Variants in EXOC3 observed in about 807,000 individuals in gnomAD.
EXOC3 encodes SEC6-like 1.
In EXOC3, 21 loss-of-function variants were observed where a neutral mutation model predicts 73.7. The observed-to-expected ratio is 0.29, with a 90% confidence interval of 0.20 to 0.41. The LOEUF is 0.41. Among genes scored for constraint, EXOC3 ranks in the 10% least tolerant of loss-of-function variants. The pLI, the probability that EXOC3 is intolerant of heterozygous loss-of-function variation, is 1.00. For synonymous variants in EXOC3, 410 were observed against 389.1 expected (o/e 1.05, Z -0.63); for missense variants, 842 against 985.1 (o/e 0.85, Z 1.95).
At position 459,356 on chromosome 5, in the gene EXOC3, T is replaced by C; in HGVS notation, c.1291-3T>C. On this transcript the variant is annotated splice_region_variant and splice_polypyrimidine_tract_variant and intron_variant, in intron 6 of 12. Coordinates refer to ENST00000512944, the MANE Select transcript of EXOC3 (RefSeq NM_007277.5). ...CAGAATTCATAAGTTCTCTGATTTT[T>C]AGATGTTTGAACAGAATCTTCAAGT... is the stretch of plus-strand genomic sequence containing the variant. The C allele has an allele frequency of 1.3e-6, 2 of 1,508,736 alleles. No homozygotes were observed. Among genetic ancestry groups the C allele is most frequent in the African/African-American group, 1.4e-5 (1 of 72,688 alleles). The allele number at this position is 1,508,736 out of a possible 1,614,324, so 93.5% of individuals were successfully genotyped here. A position where few individuals can be genotyped will look rare whatever the true frequency, so the allele number is the denominator to read the frequency against.
In EXOC3 at chr5:456,965, G is replaced by A. The variant is rs779891627; in HGVS notation, c.1123G>A (p.Val375Met). The A allele has an allele frequency of 1.4e-5, 23 of 1,613,884 alleles. No homozygotes were observed. The highest frequency in any genetic ancestry group is 1.5e-5 in the Non-Finnish European group (18 of 1,179,866). Reference protein sequence around the residue: ...GTLEPLLSPHVVSELLDTYMS... With the variant: ...GTLEPLLSPHMVSELLDTYMS... ...CCTGGAGCCATTGCTTTCTCCACACGTGGTCTCTGAGCTGCTTGACACGTA... is the reference window on the plus strand; with the variant it reads ...CCTGGAGCCATTGCTTTCTCCACACATGGTCTCTGAGCTGCTTGACACGTA... Residue 375 changes from valine to methionine, a missense_variant, in exon 5 of 13, where the codon GTG becomes ATG. Coordinates refer to ENST00000512944, the MANE Select transcript of EXOC3 (RefSeq NM_007277.5).
intron 1 of EXOC3, chr5:444,975 G>C (rs1394527994): frequency 6.6e-6 from 1 of 152,220 alleles, no homozygotes; most frequent in Non-Finnish European, 1.5e-5. Flanking sequence ...TAAAGAGAAA[G>C]GAAAGGTTGC....
intron 6 of EXOC3, among the ~76,000 whole-genome samples, chr5:458,947 G>A (rs1024389348): frequency 6.6e-6 from 1 of 152,216 alleles, no homozygotes; most frequent in Non-Finnish European, 1.5e-5. Flanking sequence ...GTCAGCTCCT[G>A]GCAGGGCCTG....
chr5:465,254 G>A lies in EXOC3; in HGVS notation c.1920G>A (p.Leu640=). Residue 640 remains leucine (L), a synonymous_variant, in exon 11 of 13, where the codon CTG becomes CTA. Transcript: ENST00000512944. ...MVREAEQLRF[L]FRKLASGFGE... is the part of the protein sequence containing the mutation. ...GGGAGGCAGAGCAGCTGCGCTTCCTGTTCCGGAAGCTGGCGTCCGTGAGTG... is the reference window on the plus strand; with the variant it reads ...GGGAGGCAGAGCAGCTGCGCTTCCTATTCCGGAAGCTGGCGTCCGTGAGTG... 6.3e-7 allele frequency: 1 copy of A among 1,587,962 alleles called. No individual in the cohort carries two copies. Among genetic ancestry groups the A allele is most frequent in the East Asian group, 2.3e-5 (1 of 43,482 alleles).
At position 453,590 on chromosome 5, in the gene EXOC3, G is replaced by C; in HGVS notation, c.585G>C (p.Leu195=). The change falls in exon 4 of 13, where the codon CTG becomes CTC. Residue 195 remains leucine (L), a synonymous_variant. Coordinates refer to ENST00000512944, the MANE Select transcript of EXOC3 (RefSeq NM_007277.5). The part of the protein sequence containing the change: ...DELAKQLWMV[L]QRSLVTVRRD... Reference sequence around the variant, plus strand: ...TGGCTAAGCAGCTGTGGATGGTGCTGCAGAGGTCACTGGTCACTGTCCGCC... The same window carrying C: ...TGGCTAAGCAGCTGTGGATGGTGCTCCAGAGGTCACTGGTCACTGTCCGCC... The C allele has an allele frequency of 6.2e-7, 1 of 1,614,012 alleles. No individual in the cohort carries two copies. Among genetic ancestry groups the C allele is most frequent in the East Asian group, 2.2e-5 (1 of 44,892 alleles).
intron 3 of EXOC3, among the ~76,000 whole-genome samples, chr5:449,987 C>T (rs6889494): frequency 0.27 from 40,377 of 152,166 alleles, 6,998 homozygotes; most frequent in Non-Finnish European, 0.39. Flanking sequence ...GGCTCACGCC[C>T]GTCATCCCAG....
rs143297530 is a variant in EXOC3 at position 446,198 on chromosome 5, T to C, written c.-8T>C. ...GAACAGTGTGAGGATTCCACCAGCT[T>C]TTTCACCATGAAGGAGACAGACCGG... On this transcript the variant is annotated 5_prime_UTR_variant, in exon 2 of 13. Coordinates refer to ENST00000512944, the MANE Select transcript of EXOC3 (RefSeq NM_007277.5). 1.2e-4 allele frequency: 200 copies of C among 1,613,808 alleles called. 3 individuals carry two copies. In the African/African-American group the frequency reaches 2.2e-3, roughly 18 times the overall value.
rs1321158476 is a variant in EXOC3, at chr5:463,350, A to T, written c.1654-940A>T. Among the ~76,000 whole-genome samples, 3 of 152,206 alleles carry T rather than the reference A, an allele frequency of 2.0e-5. No homozygotes were observed. In the East Asian group the frequency reaches 5.8e-4, roughly 29 times the overall value. On this transcript the variant is annotated intron_variant, in intron 9 of 12. Coordinates refer to ENST00000512944, the MANE Select transcript of EXOC3 (RefSeq NM_007277.5). ...AAAATTTAAAAAGAATATATAGAAAAATGGGCAAAAGACATGAACGGCCAC... is the reference window on the plus strand; with the variant it reads ...AAAATTTAAAAAGAATATATAGAAATATGGGCAAAAGACATGAACGGCCAC...
At chr5:443,478 G>C (rs956161473) in intron 1 of EXOC3, among the ~76,000 whole-genome samples, 188 bp downstream of exon 1, 1 of 152,208 alleles carries the variant, frequency 6.6e-6, no homozygotes, top group South Asian at 2.1e-4. Context: ...CTCGGCGCAG[G>C]TGTCCTCCCC....
At chr5:464,191 CG>C (rs1365969093) in intron 9 of EXOC3, 98 bp from the exon 10 acceptor site, 1 of 1,186,210 alleles carries the variant, frequency 8.4e-7, no homozygotes, top group African/African-American at 1.5e-5. Flanking sequence ...ACGCAGCTCT[CG>C]TGGGGCGTTG....
At position 447,520 on chromosome 5, in the gene EXOC3, C is replaced by T. The variant is rs1014655074; in HGVS notation, c.145-13C>T. Reference sequence around the variant, plus strand: ...TCATTGGCTCTGCTCACCCGTGTGGCGTCTCTCTTTAGGCCGCCATCCAGT... The same window carrying T: ...TCATTGGCTCTGCTCACCCGTGTGGTGTCTCTCTTTAGGCCGCCATCCAGT... On this transcript the variant is annotated splice_polypyrimidine_tract_variant and intron_variant, in intron 2 of 12. Transcript: ENST00000512944. 1.5e-5 allele frequency: 23 copies of T among 1,531,134 alleles called. No individual in the cohort carries two copies. The highest frequency in any genetic ancestry group is 2.5e-5 in the East Asian group (1 of 40,694). 94.8% of individuals were successfully genotyped at this position (1,531,134 alleles called of 1,614,324 possible).
rs1560940224 is a variant in EXOC3 at position 462,320 on chromosome 5, C to CT, written c.1653+16dup. 7 of 1,613,740 alleles carry CT rather than the reference C, an allele frequency of 4.3e-6. No homozygotes were observed. In the South Asian group the frequency reaches 7.7e-5, roughly 18 times the overall value. ...CCTGGACCTGGAGGTGGGCCTGGCT[C>CT]TTTCCTCCTGCCGTTTTCTGGGCCG... On this transcript the variant is annotated intron_variant, in intron 9 of 12. Coordinates refer to ENST00000512944, the MANE Select transcript of EXOC3 (RefSeq NM_007277.5).
chr5:445,367 TGAGAC>T (rs1737475580), intron 1 of EXOC3, among the ~76,000 whole-genome samples: 1 of 151,266 alleles, frequency 6.6e-6, no homozygotes. Flanking sequence ...TTTTTTTTTT[TGAGAC>T]GGAGTCTCGC....
At chr5:451,664 G>A (rs1325111326) in intron 3 of EXOC3, among the ~76,000 whole-genome samples, 1 of 152,002 alleles carries the variant, frequency 6.6e-6, no homozygotes, top group African/African-American at 2.4e-5. Flanking sequence ...GCTTCTTCAC[G>A]TGGCTTCCAG....
intron 3 of EXOC3, among the ~76,000 whole-genome samples, chr5:450,904 AT>A (rs1728202166): frequency 6.6e-6 from 1 of 151,336 alleles, no homozygotes; most frequent in South Asian, 2.1e-4. Context: ...CTTTCAACCT[AT>A]TTGTGTCTTG....
chr5:464,903 C>G, intron 10 of EXOC3: 2 of 603,566 alleles, frequency 3.3e-6, no homozygotes, highest in Non-Finnish European at 2.9e-6. Flanking sequence ...CGGAGCTGGC[C>G]TGGTGCGGGG....
Position 453,915 on chromosome 5 carries a change from C to A in EXOC3, c.910C>A (p.His304Asn). ...CCTGATGGTTCAGTGCTTTCCTCCC[C>A]ACTATGAGATCTTTAAGAACCTCCT... ...KNLMVQCFPP[H>N]YEIFKNLLNM... Residue 304 changes from histidine to asparagine, a missense_variant, in exon 4 of 13, where the codon CAC becomes AAC. Physicochemically the swap from His to Asn is moderately conservative, Grantham distance 68. Transcript: ENST00000512944. 1 of 1,614,018 alleles carries A rather than the reference C, an allele frequency of 6.2e-7. No homozygotes were observed. Among genetic ancestry groups the A allele is most frequent in the South Asian group, 1.1e-5 (1 of 91,090 alleles).
chr5:453,506 G>C lies in EXOC3; in HGVS notation c.501G>C (p.Thr167=). The C allele has an allele frequency of 6.2e-7, 1 of 1,613,998 alleles. No individual in the cohort carries two copies. The highest frequency in any genetic ancestry group is 2.2e-5 in the East Asian group (1 of 44,886). Residue 167 remains threonine (T), a synonymous_variant, in exon 4 of 13, where the codon ACG becomes ACC. Coordinates refer to ENST00000512944, the MANE Select transcript of EXOC3 (RefSeq NM_007277.5). The part of the protein sequence containing the change: ...YEQYRMDSGN[T]RDMTLIHGYF... ...AGTACCGCATGGACAGTGGGAACAC[G>C]CGTGACATGACCCTCATCCATGGCT...
At chr5:464,675 T>G in intron 10 of EXOC3, 2 of 438,502 alleles carry the variant, frequency 4.6e-6, no homozygotes, top group Non-Finnish European at 8.4e-6. Context: ...TCTTAGCTCC[T>G]TGCCTTCCAC....
Sources: allele counts gnomAD v4.1 joint callset (sites outside exome capture counted in the v4.1 genomes callset), GRCh38; gene constraint gnomAD v4.1.1; transcripts MANE v1.5; gene names NCBI Gene and HGNC (gene_info 2026-07-23, HGNC 2026-07-21).